Variants in ZBTB38 observed in about 807,000 individuals in gnomAD.
The protein encoded by ZBTB38 is zinc finger and BTB domain containing 38.
ZBTB38 carries 20 observed loss-of-function variants against 76.8 expected under a neutral mutation model. The observed-to-expected ratio is 0.26, with a 90% CI of 0.18 to 0.38. The LOEUF is 0.38. ZBTB38 is among the 10% of genes least tolerant of loss of function. ZBTB38 has a pLI of 1.00. For synonymous variants in ZBTB38, 504 were observed against 544.2 expected, an observed-to-expected ratio of 0.93 and a Z score of 1.03; for missense variants, 1,082 against 1,482.3, an observed-to-expected ratio of 0.73 and a Z score of 4.43.
chr3:141,378,251 AGAG>A (rs1357077873), intron 2 of ZBTB38, among the ~76,000 whole-genome samples: 2 of 151,912 alleles, frequency 1.3e-5, no homozygotes, highest in African/African-American at 4.8e-5. Context: ...TGTGATTATC[AGAG>A]GAGGAGCACA....
chr3:141,432,200 C>T (rs2077767929), intron 5 of ZBTB38: 2 of 985,494 alleles, frequency 2.0e-6, no homozygotes, highest in African/African-American at 3.5e-5. Context: ...GGCCCCTGTG[C>T]TGGCCCAGTA....
At chr3:141,341,833 G>A (rs1943205575) in intron 1 of ZBTB38, among the ~76,000 whole-genome samples, 1 of 152,178 alleles carries the variant, frequency 6.6e-6, no homozygotes, top group Non-Finnish European at 1.5e-5. Flanking sequence ...AATAATTGAG[G>A]AAATAGGAAT....
intron 1 of ZBTB38, among the ~76,000 whole-genome samples, chr3:141,340,822 A>G (rs943382521): frequency 1.3e-5 from 2 of 151,624 alleles, no homozygotes; most frequent in African/African-American, 4.9e-5. Context: ...ACATGAACCC[A>G]GGAGGTGGAG....
At chr3:141,421,038 T>C (rs1401640104) in intron 5 of ZBTB38, among the ~76,000 whole-genome samples, 2 of 151,728 alleles carry the variant, frequency 1.3e-5, no homozygotes, top group Non-Finnish European at 2.9e-5. Flanking sequence ...AAAAAGTCTG[T>C]ATATTATAAA....
rs1402101829 is a variant in ZBTB38 at position 141,444,145 on chromosome 3, A to G, written c.1757A>G (p.Tyr586Cys). 9.3e-6 allele frequency: 15 copies of G among 1,613,868 alleles called. No homozygotes were observed. The highest frequency in any genetic ancestry group is 6.7e-5 in the Admixed American group (4 of 59,980). Residue 586 changes from tyrosine (Y) to cysteine (C), a missense_variant, in exon 6 of 6, where the codon TAT (tyrosine) becomes TGT (cysteine). Around this residue, in one of 8 missense-constraint regions of ZBTB38, gnomAD observed 471 missense variants for 581.0 expected, o/e 0.81. Transcript: ENST00000321464. This position sits in a 1 kb window ranked among gnomAD's most constrained non-coding sequence, Gnocchi z 5.1. ...APYKSYRNSSYENARENSQMN... is the reference protein window; with the variant it reads ...APYKSYRNSSCENARENSQMN... ...TATAAGAGCTACCGAAATTCTTCCT[A>G]TGAAAATGCACGAGAAAACAGTCAA...
chr3:141,404,457 G>T (rs558233719), intron 5 of ZBTB38, among the ~76,000 whole-genome samples: 2 of 152,302 alleles, frequency 1.3e-5, no homozygotes, highest in South Asian at 4.1e-4. Flanking sequence ...CAGGGCCTCT[G>T]TGAGGTGAGC....
At chr3:141,406,151 C>T (rs545277098) in intron 5 of ZBTB38, among the ~76,000 whole-genome samples, 1 of 152,228 alleles carries the variant, frequency 6.6e-6, no homozygotes, top group South Asian at 2.1e-4. Flanking sequence ...TCTTGAATGC[C>T]AACTAGGAAT....
At chr3:141,340,686 A>G (rs1347339484) in intron 1 of ZBTB38, among the ~76,000 whole-genome samples, 1 of 151,946 alleles carries the variant, frequency 6.6e-6, no homozygotes, top group Non-Finnish European at 1.5e-5. Flanking sequence ...TCACGAGGTC[A>G]GCAGATCAAG....
chr3:141,434,671 A>C (rs1429660134), intron 5 of ZBTB38, among the ~76,000 whole-genome samples: 1 of 150,958 alleles, frequency 6.6e-6, no homozygotes, highest in Non-Finnish European at 1.5e-5. Context: ...GAAAATTCCA[A>C]ATATGCTAAT....
chr3:141,391,371 T>C (rs1390353573), intron 4 of ZBTB38, among the ~76,000 whole-genome samples: 1 of 152,116 alleles, frequency 6.6e-6, no homozygotes, highest in African/African-American at 2.4e-5. Context: ...CTTTCCTTTC[T>C]TTGTGTAAAT....
Position 141,381,504 on chromosome 3 carries a change from C to T in ZBTB38, c.-172+17C>T, listed in dbSNP as rs988084017. The T allele has an allele frequency of 1.3e-5, 2 of 152,282 alleles. No homozygotes were observed. The highest frequency in any genetic ancestry group is 2.9e-5 in the Non-Finnish European group (2 of 68,074). The allele number at this position is 152,282 out of a possible 1,614,324, so 9.4% of individuals were successfully genotyped here. A position where few individuals can be genotyped will look rare whatever the true frequency, so the allele number is the denominator to read the frequency against. ...TGCCAACAGGTATGTACTCCTTTCTCATGTCCTACACAGATGCTAATGGAT... is the reference window on the plus strand; with the variant it reads ...TGCCAACAGGTATGTACTCCTTTCTTATGTCCTACACAGATGCTAATGGAT... On this transcript the variant is annotated intron_variant, in intron 3 of 5. Coordinates refer to ENST00000321464, the MANE Select transcript of ZBTB38 (RefSeq NM_001376113.1).
chr3:141,414,238 T>C (rs1270321859), intron 5 of ZBTB38, among the ~76,000 whole-genome samples: 1 of 152,202 alleles, frequency 6.6e-6, no homozygotes, highest in Non-Finnish European at 1.5e-5. Flanking sequence ...TTGAAACTTT[T>C]TCACACAGAT....
chr3:141,405,924 C>T (rs1313754738), intron 5 of ZBTB38, among the ~76,000 whole-genome samples: 1 of 152,184 alleles, frequency 6.6e-6, no homozygotes, highest in African/African-American at 2.4e-5. Context: ...TTATCCCTGG[C>T]AGTCAAGAGA....
At chr3:141,395,741 C>CTCAGATG (rs1184119907) in intron 4 of ZBTB38, among the ~76,000 whole-genome samples, 3 of 152,044 alleles carry the variant, frequency 2.0e-5, no homozygotes, top group Non-Finnish European at 2.9e-5. Context: ...ACTGGCATAC[C>CTCAGATG]TCAGATGTCA....
chr3:141,370,781 A>C (rs1020123192), intron 2 of ZBTB38, among the ~76,000 whole-genome samples: 2 of 152,152 alleles, frequency 1.3e-5, no homozygotes, highest in Admixed American at 6.5e-5. Flanking sequence ...GTCTAGGACT[A>C]TACTGGCTTT....
Position 141,445,842 on chromosome 3 carries a change from C to T in ZBTB38, c.3454C>T (p.Pro1152Ser), listed in dbSNP as rs1251096025. The change falls in exon 6 of 6, where the codon CCA becomes TCA. Residue 1152 changes from proline to serine, a missense_variant. By Grantham distance (74) the Pro-to-Ser change is moderately conservative (BLOSUM62 -1). This residue lies in a region of ZBTB38 where 54 missense variants were observed against 57.9 expected (regional missense o/e 0.93). Transcript: ENST00000321464. This position sits in a 1 kb window ranked among gnomAD's most constrained non-coding sequence, Gnocchi z 6.5. ...CCAAAAGAAACACTTATTCAAAAGC[C>T]CAAGTCAGCAGGAGAAAATAGGTGA... ...MHQKKHLFKSPSQQEKIGDVC... is the reference protein window; with the variant it reads ...MHQKKHLFKSSSQQEKIGDVC... 1.2e-6 allele frequency: 2 copies of T among 1,614,006 alleles called. No individual in the cohort carries two copies. Among genetic ancestry groups the T allele is most frequent in the Non-Finnish European group, 1.7e-6 (2 of 1,180,030 alleles).
At chr3:141,399,987 C>CTTTTTTTTTTTTTTTTT (rs557587979) in intron 4 of ZBTB38, among the ~76,000 whole-genome samples, 1 of 80,466 alleles carries the variant, frequency 1.2e-5, no homozygotes. Context: ...GAAAGTCTTG[C>CTTTTTTTTTTTTTTTTT]TTTTTTTTTT....
chr3:141,384,798 T>C (rs1044345370), intron 3 of ZBTB38: 4 of 152,240 alleles, frequency 2.6e-5, no homozygotes, highest in African/African-American at 9.7e-5. Context: ...CTGTTTTCGT[T>C]AGAGCCACAT....
At chr3:141,353,419 A>C (rs1371176875) in intron 1 of ZBTB38, among the ~76,000 whole-genome samples, 1 of 152,100 alleles carries the variant, frequency 6.6e-6, no homozygotes, top group Admixed American at 6.6e-5. Context: ...AGAATTCTAA[A>C]ATTTCTCATT....
Sources: allele counts gnomAD v4.1 joint callset (sites outside exome capture counted in the v4.1 genomes callset), GRCh38; gene constraint gnomAD v4.1.1; regional missense constraint gnomAD v4.1.1; non-coding constraint Gnocchi (gnomAD v3.1); transcripts MANE v1.5; gene names NCBI Gene and HGNC (gene_info 2026-07-23, HGNC 2026-07-21).